The following CEP44 variants were observed in gnomAD, a reference collection of about 807,000 sequenced individuals.
CEP44 encodes the protein centrosomal protein of 44 kDa.
CEP44 carries 45 observed loss-of-function variants against 46.7 expected under a neutral mutation model. The ratio of observed to expected loss-of-function variants is 0.96; its 90% confidence interval spans 0.76 to 1.24. The LOEUF is 1.24. Among genes scored for constraint, CEP44 ranks in the 50% most tolerant of loss-of-function variants. The pLI, the probability that CEP44 is intolerant of heterozygous loss-of-function variation, is 0.00. For synonymous variants in CEP44, 142 were observed against 146.0 expected, an observed-to-expected ratio of 0.97 and a Z score of 0.20; for missense variants, 475 against 459.7, an observed-to-expected ratio of 1.03 and a Z score of -0.30.
Position 174,314,637 on chromosome 4 carries a change from G to C in CEP44, c.962-1529G>C, listed in dbSNP as rs1248859193. Among the ~76,000 whole-genome samples the C allele has an allele frequency of 6.6e-6, 1 of 151,896 alleles. No homozygotes were observed. Among genetic ancestry groups the C allele is most frequent in the Non-Finnish European group, 1.5e-5 (1 of 68,026 alleles). On this transcript the variant is annotated intron_variant, in intron 9 of 11. Transcript: ENST00000503780. This position sits in a 1 kb window ranked among gnomAD's most constrained non-coding sequence, Gnocchi z 4.1. The stretch of plus-strand genomic sequence containing the variant: ...TTCCCGGACCTGTTTCCTTTTCCTA[G>C]GGCCCCCTCCTCTTTTTGGAAAGAT...
intron 3 of CEP44, among the ~76,000 whole-genome samples, chr4:174,300,544 C>T (rs1739595018): frequency 6.6e-6 from 1 of 151,966 alleles, no homozygotes; most frequent in African/African-American, 2.4e-5. Flanking sequence ...AGTGTTTAAA[C>T]ATTTAATTTT....
rs180771393 is a variant in CEP44, at chr4:174,304,757, G to C, written c.507+388G>C. Among the ~76,000 whole-genome samples the C allele has an allele frequency of 1.7e-4, 26 of 151,908 alleles. No individual in the cohort carries two copies. The East Asian group carries it at 3.5e-3, about 20-fold the overall frequency. On this transcript the variant is annotated intron_variant, in intron 6 of 11. Coordinates refer to ENST00000503780, the MANE Select transcript of CEP44 (RefSeq NM_001040157.3). ...TGATAGGTTATAATGATTCATTTAT[G>C]TACATTATATTTCTGTAACCAAGTA...
rs56201469 is a variant in CEP44 at position 174,291,787 on chromosome 4, C to CTTTTTTTTTTTTTTTTTTTT, written c.-147-6173_-147-6154dup. Reference sequence around the variant, plus strand: ...CTTTATTCTTTTATCTTTTTCTTTTCTTTTTTTTTTTTTTTTTTTTTTTTT... The same window carrying CTTTTTTTTTTTTTTTTTTTT: ...CTTTATTCTTTTATCTTTTTCTTTTCTTTTTTTTTTTTTTTTTTTTTTTTTTTTTTTTTTTTTTTTTTTTT... On this transcript the variant is annotated intron_variant, in intron 1 of 11. Transcript: ENST00000503780. Among the ~76,000 whole-genome samples, 20 of 46,400 alleles carry CTTTTTTTTTTTTTTTTTTTT rather than the reference C, an allele frequency of 4.3e-4. 1 individual carries two copies. The highest frequency in any genetic ancestry group is 7.4e-4 in the African/African-American group (9 of 12,240). The allele number at this position is 46,400 out of a possible 152,430, so 30.4% of individuals were successfully genotyped here.
intron 8 of CEP44, among the ~76,000 whole-genome samples, chr4:174,327,809 A>G (rs1731063133): frequency 6.6e-6 from 1 of 152,148 alleles, no homozygotes; most frequent in Non-Finnish European, 1.5e-5. Flanking sequence ...CAGGTAGATT[A>G]AAGACATAAA....
At position 174,302,024 on chromosome 4, in the gene CEP44, T is replaced by G. The variant is rs1739776694; in HGVS notation, c.90-15T>G. The G allele has an allele frequency of 6.4e-7, 1 of 1,574,578 alleles. No individual in the cohort carries two copies. The highest frequency in any genetic ancestry group is 1.4e-5 in the African/African-American group (1 of 72,386). On this transcript the variant is annotated splice_polypyrimidine_tract_variant and intron_variant, in intron 3 of 11. Coordinates refer to ENST00000503780, the MANE Select transcript of CEP44 (RefSeq NM_001040157.3). ...TAAATGCTTATTAAAAATATTTTTC[T>G]TTTTTTCCTAACAGTTTGATAAAGG...
At chr4:174,316,509 T>G (rs1741736015) in intron 10 of CEP44, 21 bp from the exon 11 acceptor site, 1 of 1,568,156 alleles carries the variant, frequency 6.4e-7, no homozygotes, top group Non-Finnish European at 8.7e-7. Flanking sequence ...TCATCTAAAT[T>G]TGTTGCTTTT....
At chr4:174,325,319 TA>T (rs751645143), downstream of CEP44, among the ~76,000 whole-genome samples, 1 of 152,154 alleles carries the variant, frequency 6.6e-6, no homozygotes, top group Non-Finnish European at 1.5e-5. The surrounding 1 kb of genome is among the most constrained non-coding windows in gnomAD (Gnocchi z 4.4). Flanking sequence ...GCAGAAGTTT[TA>T]AATTTTTATA....
intron 1 of CEP44, among the ~76,000 whole-genome samples, chr4:174,295,110 G>A (rs570261204): frequency 1.1e-4 from 16 of 151,908 alleles, no homozygotes; most frequent in African/African-American, 2.4e-4. Flanking sequence ...CGGACGGGGC[G>A]GCTGGCCTGG....
intron 1 of CEP44, among the ~76,000 whole-genome samples, chr4:174,294,051 T>G (rs997274875): frequency 2.0e-4 from 31 of 152,018 alleles, no homozygotes; most frequent in African/African-American, 7.0e-4. Flanking sequence ...ATCCTCTTTT[T>G]TTTTTTTTTT....
chr4:174,295,228 T>A (rs1387990249), intron 1 of CEP44, among the ~76,000 whole-genome samples: 1 of 112,968 alleles, frequency 8.9e-6, no homozygotes, highest in Admixed American at 8.6e-5. Flanking sequence ...TCACTTCTCA[T>A]ATGGGGCGGT....
chr4:174,329,853 G>A lies in CEP44; in HGVS notation c.1087-1629G>A, dbSNP rs1006830262. 4.6e-5 allele frequency among the ~76,000 whole-genome samples: 7 copies of A among 152,056 alleles called. No homozygotes were observed. Among genetic ancestry groups the A allele is most frequent in the African/African-American group, 1.7e-4 (7 of 41,430 alleles). ...AATTTTTAAAGATGAGTTTGGATGA[G>A]TTGCAAATAACATCCTCTACCCTTA... On this transcript the variant is annotated intron_variant, in intron 8 of 8. Coordinates refer to the CEP44 transcript ENST00000426172. This position sits in a 1 kb window ranked among gnomAD's most constrained non-coding sequence, Gnocchi z 4.0.
chr4:174,318,766 G>A lies in CEP44; in HGVS notation c.*1383G>A, dbSNP rs1742011389. 1 of 763,098 alleles carries A rather than the reference G, an allele frequency of 1.3e-6. No homozygotes were observed. Among genetic ancestry groups the A allele is most frequent in the Non-Finnish European group, 1.6e-6 (1 of 629,412 alleles). The allele number at this position is 763,098 out of a possible 1,614,324, so 47.3% of individuals were successfully genotyped here. Reference sequence around the variant, plus strand: ...TTTGTGTTTGTGAATTTGAAACAGTGTAAGAAATCACTTTTAAGAAAACAT... The same window carrying A: ...TTTGTGTTTGTGAATTTGAAACAGTATAAGAAATCACTTTTAAGAAAACAT... On this transcript the variant is annotated 3_prime_UTR_variant, in exon 12 of 12. Transcript: ENST00000503780.
Position 174,331,827 on chromosome 4 carries a change from C to G in CEP44, c.*232C>G, listed in dbSNP as rs955864912. ...ATTTCTCAAAATGTCTGCTGATAGC[C>G]CCTCACTCATATTTTTCATGTGGGT... On this transcript the variant is annotated 3_prime_UTR_variant, in exon 9 of 9. Transcript: ENST00000426172. The surrounding 1 kb of genome is among the most constrained non-coding windows in gnomAD (Gnocchi z 4.5). 3 of 437,730 alleles carry G rather than the reference C, an allele frequency of 6.9e-6. No individual in the cohort carries two copies. The highest frequency in any genetic ancestry group is 1.2e-5 in the Non-Finnish European group (3 of 255,682). The allele number at this position is 437,730 out of a possible 1,614,324, so 27.1% of individuals were successfully genotyped here. A position where few individuals can be genotyped will look rare whatever the true frequency, so the allele number is the denominator to read the frequency against.
chr4:174,306,231 G>C (rs902116478), intron 6 of CEP44, among the ~76,000 whole-genome samples: 2 of 151,924 alleles, frequency 1.3e-5, no homozygotes, highest in Non-Finnish European at 2.9e-5. Context: ...TTTTTTGTCA[G>C]GACTTCTTCG....
In CEP44 at chr4:174,291,787, C is replaced by CTTTTTT. The variant is rs56201469; in HGVS notation, c.-147-6159_-147-6154dup. On this transcript the variant is annotated intron_variant, in intron 1 of 11. Coordinates refer to ENST00000503780, the MANE Select transcript of CEP44 (RefSeq NM_001040157.3). ...CTTTATTCTTTTATCTTTTTCTTTT[C>CTTTTTT]TTTTTTTTTTTTTTTTTTTTTTTTT... Among the ~76,000 whole-genome samples the CTTTTTT allele has an allele frequency of 1.3e-3, 62 of 46,406 alleles. 5 individuals carry two copies. Among genetic ancestry groups the CTTTTTT allele is most frequent in the African/African-American group, 1.9e-3 (23 of 12,240 alleles). 30.4% of individuals were successfully genotyped at this position (46,406 alleles called of 152,430 possible).
At chr4:174,308,893 T>G in intron 7 of CEP44, 34 bp downstream of exon 7, 1 of 1,571,102 alleles carries the variant, frequency 6.4e-7, no homozygotes, top group South Asian at 1.1e-5. Context: ...TAGATGCCAG[T>G]ATTTTTTACT....
At chr4:174,289,389 G>T (rs1737914929) in intron 1 of CEP44, among the ~76,000 whole-genome samples, 1 of 139,860 alleles carries the variant, frequency 7.2e-6, no homozygotes, top group African/African-American at 2.6e-5. Context: ...GCTTTTCTTT[G>T]TTGGGAATTT....
intron 1 of CEP44, among the ~76,000 whole-genome samples, chr4:174,296,763 A>ATTTTTTTTTTTTT (rs202212472): frequency 1.1e-5 from 1 of 90,420 alleles, no homozygotes; most frequent in Non-Finnish European, 2.1e-5. Context: ...GTCCTTACTG[A>ATTTTTTTTTTTTT]TTTTTTTTTT....
rs1197954082 is a variant in CEP44 at position 174,314,141 on chromosome 4, A to T, written c.962-2025A>T. Among the ~76,000 whole-genome samples the T allele has an allele frequency of 6.6e-6, 1 of 152,124 alleles. No homozygotes were observed. Among genetic ancestry groups the T allele is most frequent in the Non-Finnish European group, 1.5e-5 (1 of 68,016 alleles). On this transcript the variant is annotated intron_variant, in intron 9 of 11. Transcript: ENST00000503780. This position sits in a 1 kb window ranked among gnomAD's most constrained non-coding sequence, Gnocchi z 4.1. ...AGATTTCATGTCCCATACCCCCATA[A>T]TCTTAGAAGTAGAAGAGTCCCTTTC...
Sources: gnomAD v4.1 joint callset for allele counts (sites outside exome capture counted in the v4.1 genomes callset) on GRCh38, gnomAD v4.1.1 for gene constraint, Gnocchi (gnomAD v3.1) non-coding constraint, MANE v1.5 for transcripts, NCBI Gene and HGNC (gene_info 2026-07-23, HGNC 2026-07-21) for gene names.